The following CAGE1 variants were observed in gnomAD, a reference collection of about 807,000 sequenced individuals.
CAGE1 encodes the protein cancer-associated gene 1 protein.
Under a neutral mutation model 94.9 loss-of-function variants are expected in CAGE1, and 66 were observed. The ratio of observed to expected loss-of-function variants is 0.70; its 90% confidence interval spans 0.57 to 0.85. The LOEUF (loss-of-function observed/expected upper bound fraction) is 0.85. Ranked by LOEUF, CAGE1 falls within the 40% of genes least tolerant of loss-of-function variation. The pLI, the probability that CAGE1 is intolerant of heterozygous loss-of-function variation, is 0.00. For missense variants in CAGE1, 865 were observed against 950.4 expected, an observed-to-expected ratio of 0.91 and a Z score of 1.18; for synonymous variants, 319 against 321.0, an observed-to-expected ratio of 0.99 and a Z score of 0.07.
intron 9 of CAGE1, among the ~76,000 whole-genome samples, chr6:7,360,633 G>A (rs775767551): frequency 2.2e-4 from 34 of 152,118 alleles, no homozygotes; most frequent in Non-Finnish European, 4.3e-4. Flanking sequence ...AGGTTTTGAG[G>A]TTGTGTACAT....
chr6:7,377,114 C>G (rs1417256686), intron 4 of CAGE1, among the ~76,000 whole-genome samples: 1 of 152,154 alleles, frequency 6.6e-6, no homozygotes, highest in Non-Finnish European at 1.5e-5. Flanking sequence ...TTAATGACTA[C>G]CTCCTCTAGT....
rs1761265713 is a variant in CAGE1 at position 7,389,609 on chromosome 6, C to CA, written c.-432dup. On this transcript the variant is annotated 5_prime_UTR_variant, in exon 1 of 14. Coordinates refer to ENST00000502583, the MANE Select transcript of CAGE1 (RefSeq NM_001170692.2). Reference sequence around the variant, plus strand: ...CTGGCGCCTCCTGCCGCAGTAAACACAAAGTGGGGTACAGAAACGAAAACT... The same window carrying CA: ...CTGGCGCCTCCTGCCGCAGTAAACACAAAAGTGGGGTACAGAAACGAAAACT... The CA allele has an allele frequency of 2.9e-6, 1 of 347,692 alleles. No homozygotes were observed. Among genetic ancestry groups the CA allele is most frequent in the South Asian group, 2.4e-5 (1 of 41,386 alleles). The allele number at this position is 347,692 out of a possible 1,614,324, so 21.5% of individuals were successfully genotyped here. A position where few individuals can be genotyped will look rare whatever the true frequency, so the allele number is the denominator to read the frequency against.
At chr6:7,346,875 A>G (rs1759566853) in intron 11 of CAGE1, among the ~76,000 whole-genome samples, 1 of 151,944 alleles carries the variant, frequency 6.6e-6, no homozygotes. Context: ...AAAAAAGAAG[A>G]AAGAAAGAAG....
Position 7,373,575 on chromosome 6 carries a change from G to A in CAGE1, c.1244C>T (p.Ala415Val), listed in dbSNP as rs947098794. Residue 415 changes from alanine to valine, a missense_variant, in exon 5 of 14, where the codon GCT becomes GTT. Coordinates refer to ENST00000502583, the MANE Select transcript of CAGE1 (RefSeq NM_001170692.2). ...MLQLQFKKIK[A>V]NYVCLQERYM... ...CCTTTCCTGTAAACACACATAATTA[G>A]CCTTGATCTTCTTAAATTGAAGCTG... The A allele has an allele frequency of 1.9e-6, 3 of 1,613,244 alleles. No homozygotes were observed. Among genetic ancestry groups the A allele is most frequent in the Non-Finnish European group, 2.5e-6 (3 of 1,179,742 alleles).
At chr6:7,349,555 C>T (rs958013397) in intron 11 of CAGE1, among the ~76,000 whole-genome samples, 12 of 152,200 alleles carry the variant, frequency 7.9e-5, no homozygotes, top group African/African-American at 2.9e-4. Flanking sequence ...ATGATGAAAG[C>T]AATGGTACCT....
intron 11 of CAGE1, chr6:7,342,117 G>A (rs1189950188): frequency 4.1e-6 from 4 of 987,394 alleles, no homozygotes; most frequent in Non-Finnish European, 6.5e-6. Context: ...GGTCACGGCT[G>A]ATGAAGGCAG....
chr6:7,356,460 A>G (rs1759958021), intron 9 of CAGE1, among the ~76,000 whole-genome samples: 1 of 152,222 alleles, frequency 6.6e-6, no homozygotes, highest in African/African-American at 2.4e-5. Flanking sequence ...ATGGGTAGAC[A>G]TATTTGACTC....
At chr6:7,348,362 C>T (rs1036537748) in intron 11 of CAGE1, among the ~76,000 whole-genome samples, 5 of 152,154 alleles carry the variant, frequency 3.3e-5, no homozygotes, top group African/African-American at 1.2e-4. Flanking sequence ...GCCACATCCC[C>T]AGGAAAAGAG....
At chr6:7,345,144 G>A (rs1292880065) in intron 11 of CAGE1, among the ~76,000 whole-genome samples, 1 of 42,128 alleles carries the variant, frequency 2.4e-5, no homozygotes, top group Non-Finnish European at 4.3e-5. Context: ...GCTTTTAGGA[G>A]CTAGGTCCAT....
chr6:7,341,912 T>C, intron 11 of CAGE1: 1 of 701,720 alleles, frequency 1.4e-6, no homozygotes, highest in Admixed American at 1.8e-5. Flanking sequence ...TGCAGCAAGA[T>C]GTCCTCAATG....
chr6:7,358,027 G>GATAGATATATATATAT (rs1554138205), intron 9 of CAGE1, among the ~76,000 whole-genome samples: 8 of 48,078 alleles, frequency 1.7e-4, no homozygotes, highest in African/African-American at 1.2e-4. Flanking sequence ...TAAGTTTTGA[G>GATAGATATATATATAT]ATATATATAT....
At chr6:7,338,552 C>G (rs1272123503) in intron 11 of CAGE1, among the ~76,000 whole-genome samples, 1 of 152,128 alleles carries the variant, frequency 6.6e-6, no homozygotes, top group Non-Finnish European at 1.5e-5. Flanking sequence ...TTGATGGATA[C>G]AATTGTTATT....
At chr6:7,369,720 A>G (rs373460223) in intron 6 of CAGE1, among the ~76,000 whole-genome samples, 199 bp downstream of exon 6, 232 of 152,318 alleles carry the variant, frequency 1.5e-3, no homozygotes, top group Middle Eastern at 0.014. Flanking sequence ...GCTTGTGAGC[A>G]TTAGGTGTTC....
intron 12 of CAGE1, among the ~76,000 whole-genome samples, chr6:7,333,642 CTATATA>C (rs773887819): frequency 0.32 from 39,098 of 121,388 alleles, 6,130 homozygotes; most frequent in African/African-American, 0.42. Flanking sequence ...ATCTAACTAT[CTATATA>C]TATATATATA....
intron 11 of CAGE1, among the ~76,000 whole-genome samples, chr6:7,336,471 A>G (rs1050224553): frequency 1.3e-5 from 2 of 152,090 alleles, no homozygotes; most frequent in East Asian, 3.9e-4. Flanking sequence ...ATGGAGTATA[A>G]TGAGTGCTTT....
chr6:7,378,344 A>G (rs1422830073), intron 4 of CAGE1, among the ~76,000 whole-genome samples: 2 of 152,212 alleles, frequency 1.3e-5, no homozygotes, highest in African/African-American at 2.4e-5. Context: ...ATTTTACTAG[A>G]AAAATTTATT....
chr6:7,373,962 A>T lies in CAGE1; in HGVS notation c.857T>A (p.Met286Lys). The T allele has an allele frequency of 1.2e-6, 2 of 1,614,026 alleles. No individual in the cohort carries two copies. Among genetic ancestry groups the T allele is most frequent in the Non-Finnish European group, 1.7e-6 (2 of 1,179,900 alleles). Residue 286 changes from methionine (M) to lysine (K), a missense_variant, in exon 5 of 14, where the codon ATG (methionine) becomes AAG (lysine). Physicochemically the swap from Met to Lys is moderately conservative, Grantham distance 95 (BLOSUM62 -1). Transcript: ENST00000502583. ...RSEACRENCEMPDWEQSAESL... is the reference protein window; with the variant it reads ...RSEACRENCEKPDWEQSAESL... ...TTCAGCACTTTGCTCCCAGTCAGGC[A>T]TCTCACAGTTCTCCCGACATGCTTC...
chr6:7,356,013 A>C lies in CAGE1; in HGVS notation c.2298+12T>G, dbSNP rs1026854658. On this transcript the variant is annotated intron_variant, in intron 10 of 13. Transcript: ENST00000502583. The stretch of plus-strand genomic sequence containing the variant: ...TCTTGTCTCAAAATACAAAAGAAAA[A>C]AAAATGTCTACCTTCTTTATTAAGT... 1 of 1,458,106 alleles carries C rather than the reference A, an allele frequency of 6.9e-7. No homozygotes were observed. Among genetic ancestry groups the C allele is most frequent in the African/African-American group, 1.4e-5 (1 of 71,096 alleles). The allele number at this position is 1,458,106 out of a possible 1,614,324, so 90.3% of individuals were successfully genotyped here.
At chr6:7,376,262 A>G (rs1360785740) in intron 4 of CAGE1, among the ~76,000 whole-genome samples, 1 of 152,012 alleles carries the variant, frequency 6.6e-6, no homozygotes, top group East Asian at 1.9e-4. Context: ...GGTGGCACAC[A>G]CCTGTAATCC....
Sources: allele counts gnomAD v4.1 joint callset (sites outside exome capture counted in the v4.1 genomes callset), GRCh38; gene constraint gnomAD v4.1.1; transcripts MANE v1.5; gene names NCBI Gene and HGNC (gene_info 2026-07-23, HGNC 2026-07-21).